The following MEGF6 variants were observed in gnomAD, a reference collection of about 807,000 sequenced individuals.
MEGF6 encodes multiple epidermal growth factor-like domains protein 6.
A neutral mutation model predicts 207.1 loss-of-function variants in MEGF6; 184 were observed. That is an observed-to-expected ratio of 0.89 (90% CI 0.79 to 1.00). MEGF6 has a LOEUF of 1.00. MEGF6 is among the 50% of genes least tolerant of loss of function. MEGF6 has a pLI of 0.00. For synonymous variants in MEGF6, 1,038 were observed against 910.0 expected, an observed-to-expected ratio of 1.14 and a Z score of -2.53; for missense variants, 2,282 against 2,202.9, an observed-to-expected ratio of 1.04 and a Z score of -0.72.
rs748486439 is a variant in MEGF6 at position 3,573,671 on chromosome 1, G to A, written c.481+6154C>T. Among the ~76,000 whole-genome samples, 17 of 152,208 alleles carry A rather than the reference G, an allele frequency of 1.1e-4. No homozygotes were observed. The highest frequency in any genetic ancestry group is 4.1e-4 in the South Asian group (2 of 4,824). ...AAAGAACATCCCTGCCCCAGAGCCC[G>A]CCCTTCCAGGAGCCCCGTCCTCCCC... On this transcript the variant is annotated intron_variant, in intron 4 of 36. Transcript: ENST00000356575. This position sits in a 1 kb window ranked among gnomAD's most constrained non-coding sequence, Gnocchi z 5.1.
rs777890330 is a variant in MEGF6, at chr1:3,492,773, A to C, written c.4388-6T>G. On this transcript the variant is annotated splice_polypyrimidine_tract_variant and splice_region_variant and intron_variant, in intron 34 of 36. Coordinates refer to ENST00000356575, the MANE Select transcript of MEGF6 (RefSeq NM_001409.4). Reference sequence around the variant, plus strand: ...AAACTGGCCCCTTCTGCAATCTGCAAGGCGGAGGGGGCGGGAGACAAACCT... The same window carrying C: ...AAACTGGCCCCTTCTGCAATCTGCACGGCGGAGGGGGCGGGAGACAAACCT... The C allele has an allele frequency of 1.9e-6, 3 of 1,607,390 alleles. No homozygotes were observed. The highest frequency in any genetic ancestry group is 2.7e-5 in the African/African-American group (2 of 74,824).
rs2100990838 is a variant in MEGF6 at position 3,505,310 on chromosome 1, A to G, written c.2086T>C (p.Trp696Arg). 6.2e-7 allele frequency: 1 copy of G among 1,611,838 alleles called. No homozygotes were observed. Among genetic ancestry groups the G allele is most frequent in the Non-Finnish European group, 8.5e-7 (1 of 1,179,546 alleles). ...CELGYFGPGC[W>R]QACTCPVGVA... is the part of the protein sequence containing the mutation. ...CCCACTGGGCAGGTGCATGCCTGCCAGCACCCCGGCCCAAAGTAGCCCAGC... is the reference window on the plus strand; with the variant it reads ...CCCACTGGGCAGGTGCATGCCTGCCGGCACCCCGGCCCAAAGTAGCCCAGC... Residue 696 changes from tryptophan to arginine, a missense_variant, in exon 17 of 37, where the codon TGG becomes CGG. Coordinates refer to ENST00000356575, the MANE Select transcript of MEGF6 (RefSeq NM_001409.4).
In MEGF6 at chr1:3,501,628, C is replaced by A. The variant is rs560731939; in HGVS notation, c.2314+168G>T. 2.9e-4 allele frequency among the ~76,000 whole-genome samples: 44 copies of A among 152,218 alleles called. No homozygotes were observed. The South Asian group carries it at 5.4e-3, about 19-fold the overall frequency. ...TGGAAGCCCCAGGAACTTGGTGGGG[C>A]AGCCACAGACCCCCCCTCCCTACCC... On this transcript the variant is annotated intron_variant, in intron 18 of 36. Coordinates refer to ENST00000356575, the MANE Select transcript of MEGF6 (RefSeq NM_001409.4).
chr1:3,508,607 C>T lies in MEGF6; in HGVS notation c.1611G>A (p.Leu537=), dbSNP rs770716457. 10 of 1,613,420 alleles carry T rather than the reference C, an allele frequency of 6.2e-6. No individual in the cohort carries two copies. Among genetic ancestry groups the T allele is most frequent in the Non-Finnish European group, 7.6e-6 (9 of 1,179,964 alleles). The change falls in exon 13 of 37, where the codon CTG becomes CTA. Residue 537 remains leucine (L), a synonymous_variant. Coordinates refer to ENST00000356575, the MANE Select transcript of MEGF6 (RefSeq NM_001409.4). ...AGCCCTCGGGGCAATCACAGCCATC[C>T]AGGCCCAGGAGGCAGGTCCCTCCGT... ...CRNGGTCLLG[L]DGCDCPEGWT...
chr1:3,620,365 G>C, the MEGF6 span, among the ~76,000 whole-genome samples: 1 of 152,264 alleles, frequency 6.6e-6, no homozygotes, highest in Non-Finnish European at 1.5e-5. Context: ...CTTCACGGCA[G>C]ACCCTCCCAT....
chr1:3,617,508 A>G, the MEGF6 span, among the ~76,000 whole-genome samples: 2 of 152,288 alleles, frequency 1.3e-5, no homozygotes, highest in South Asian at 4.1e-4. Context: ...AGCATCAGGA[A>G]GAAGAGCTAA....
chr1:3,586,249 T>G (rs1221770297), intron 3 of MEGF6, among the ~76,000 whole-genome samples: 1 of 152,234 alleles, frequency 6.6e-6, no homozygotes, highest in Non-Finnish European at 1.5e-5. Flanking sequence ...AGGAGACATG[T>G]CCTGTGCATA....
At chr1:3,504,566 A>T (rs942491623) in intron 17 of MEGF6, among the ~76,000 whole-genome samples, 3 of 151,772 alleles carry the variant, frequency 2.0e-5, no homozygotes, top group African/African-American at 7.3e-5. Flanking sequence ...CCCCAGCCCC[A>T]CGCACGCTGG....
chr1:3,502,200 G>T lies in MEGF6; in HGVS notation c.2189-279C>A, dbSNP rs369247658. On this transcript the variant is annotated intron_variant, in intron 17 of 36. Coordinates refer to ENST00000356575, the MANE Select transcript of MEGF6 (RefSeq NM_001409.4). ...TCACAGGAACAGGCAAGGGAGGAGT[G>T]AAAGGGGAGCTGACGGATGGGAGGA... Among the ~76,000 whole-genome samples, 93 of 147,920 alleles carry T rather than the reference G, an allele frequency of 6.3e-4. 2 individuals carry two copies. Among genetic ancestry groups the T allele is most frequent in the Admixed American group, 3.7e-3 (55 of 14,768 alleles).
chr1:3,607,643 G>T (rs899202963), intron 1 of MEGF6, among the ~76,000 whole-genome samples: 1 of 152,218 alleles, frequency 6.6e-6, no homozygotes, highest in African/African-American at 2.4e-5. Context: ...CTGCACATGG[G>T]TCTGAGGAGA....
the MEGF6 span, chr1:3,624,289 G>C: frequency 6.6e-6 from 1 of 152,406 alleles, no homozygotes; most frequent in East Asian, 1.9e-4. Flanking sequence ...GGGAGCTGGG[G>C]CTAGCGCAGG....
At position 3,611,048 on chromosome 1, in the gene MEGF6, C is replaced by G. The variant is rs566639492; in HGVS notation, c.131+90G>C. ...GCCCATTGTTCTGGAGCCCCAGGGA[C>G]AAAGCCTCGGAGCTCGGTCCACCAC... On this transcript the variant is annotated intron_variant, in intron 1 of 36. Coordinates refer to ENST00000356575, the MANE Select transcript of MEGF6 (RefSeq NM_001409.4). The G allele has an allele frequency of 4.1e-4, 550 of 1,354,824 alleles. 1 individual carries two copies. The highest frequency in any genetic ancestry group is 7.9e-4 in the Admixed American group (21 of 26,708). The allele number at this position is 1,354,824 out of a possible 1,614,324, so 83.9% of individuals were successfully genotyped here.
rs1046956790 is a variant in MEGF6, at chr1:3,500,623, C to G, written c.2707+10G>C. 6.5e-7 allele frequency: 1 copy of G among 1,550,080 alleles called. No homozygotes were observed. On this transcript the variant is annotated intron_variant, in intron 21 of 36. Transcript: ENST00000356575. ...GGAGGGTGGCAGCCAAAGGCAGGGC[C>G]GGGACTCACGCTGCTCGCACCGCGG...
chr1:3,568,291 C>A (rs775263380), intron 4 of MEGF6, among the ~76,000 whole-genome samples: 17 of 150,104 alleles, frequency 1.1e-4, no homozygotes, highest in Admixed American at 2.0e-4. Flanking sequence ...CCAGTGTGTG[C>A]TTGGGTAAAA....
chr1:3,603,906 CTG>C (rs1286097588), intron 1 of MEGF6, among the ~76,000 whole-genome samples: 1 of 152,224 alleles, frequency 6.6e-6, no homozygotes, highest in Non-Finnish European at 1.5e-5. Context: ...GGGGCTCGTG[CTG>C]TGTGGGAAGC....
intron 5 of MEGF6, among the ~76,000 whole-genome samples, chr1:3,522,803 GAAT>G: frequency 6.6e-6 from 1 of 152,256 alleles, no homozygotes; most frequent in Admixed American, 6.5e-5. Flanking sequence ...CTTCTACAAG[GAAT>G]ACCCTGCCTG....
chr1:3,602,894 T>A (rs1005059628), intron 1 of MEGF6, among the ~76,000 whole-genome samples: 7 of 152,170 alleles, frequency 4.6e-5, no homozygotes, highest in African/African-American at 1.7e-4. Flanking sequence ...CGACGCTGCC[T>A]CAACAGACAG....
At chr1:3,513,496 T>C (rs1641426428) in intron 7 of MEGF6, among the ~76,000 whole-genome samples, 1 of 151,950 alleles carries the variant, frequency 6.6e-6, no homozygotes, top group Admixed American at 6.6e-5. Context: ...CAGGCTGGTC[T>C]TGAACTCCTA....
At chr1:3,584,829 A>G (rs12409706) in intron 3 of MEGF6, among the ~76,000 whole-genome samples, 37,716 of 152,202 alleles carry the variant, frequency 0.25, 5,752 homozygotes, top group African/African-American at 0.42. Context: ...GCGGGTGGTA[A>G]GGCCGCTGCC....
Sources: gnomAD v4.1 joint callset for allele counts (sites outside exome capture counted in the v4.1 genomes callset) on GRCh38, gnomAD v4.1.1 for gene constraint, Gnocchi (gnomAD v3.1) non-coding constraint, MANE v1.5 for transcripts, NCBI Gene and HGNC (gene_info 2026-07-23, HGNC 2026-07-21) for gene names.